SYT16: variants seen among roughly 807,000 people sequenced by gnomAD.
SYT16 encodes synaptotagmin 16, also known as synaptotagmin-16.
SYT16 carries 42 observed loss-of-function variants against 61.4 expected under a neutral mutation model. The ratio of observed to expected loss-of-function variants is 0.68; its 90% confidence interval spans 0.53 to 0.89. The LOEUF (loss-of-function observed/expected upper bound fraction) is 0.89, where lower values mean the gene tolerates loss of function less well. SYT16 is among the 40% of genes least tolerant of loss of function. The pLI is 0.00. For synonymous variants in SYT16, 314 were observed against 302.3 expected, an observed-to-expected ratio of 1.04 and a Z score of -0.40; for missense variants, 804 against 807.3, an observed-to-expected ratio of 1.00 and a Z score of 0.05.
intron 5 of SYT16, 118 bp from the exon 6 acceptor site, chr14:62,080,716 G>A: frequency 2.0e-6 from 2 of 985,636 alleles, no homozygotes; most frequent in East Asian, 2.6e-5. Context: ...GATATAGAGG[G>A]AATACACTGG....
intron 1 of SYT16, among the ~76,000 whole-genome samples, chr14:61,968,897 G>A (rs905374859): frequency 6.6e-6 from 1 of 152,140 alleles, no homozygotes; most frequent in African/African-American, 2.4e-5. Flanking sequence ...GGTTTTGATA[G>A]CAGGCACTGT....
intron 1 of SYT16, among the ~76,000 whole-genome samples, chr14:61,859,799 C>T (rs908204539): frequency 6.6e-6 from 1 of 151,992 alleles, no homozygotes; most frequent in African/African-American, 2.4e-5. Context: ...GGGCTCCAAG[C>T]GAACTATATT....
intron 1 of SYT16, among the ~76,000 whole-genome samples, chr14:61,836,269 G>A (rs2046126483): frequency 6.6e-6 from 1 of 152,132 alleles, no homozygotes; most frequent in Non-Finnish European, 1.5e-5. Context: ...GCCTGCACCT[G>A]CGTGTGTTTA....
At chr14:61,906,759 G>A (rs779334956) in intron 1 of SYT16, among the ~76,000 whole-genome samples, 10 of 101,290 alleles carry the variant, frequency 9.9e-5, no homozygotes, top group African/African-American at 1.8e-4. Flanking sequence ...CCTTCCGTCC[G>A]TCCGTCAATC....
chr14:62,085,235 CA>C (rs974689544), intron 7 of SYT16, among the ~76,000 whole-genome samples: 1 of 152,112 alleles, frequency 6.6e-6, no homozygotes, highest in African/African-American at 2.4e-5. Context: ...TGTTTTGCAG[CA>C]AAAAAGCTTG....
At chr14:61,912,186 G>C (rs2048959039) in intron 1 of SYT16, among the ~76,000 whole-genome samples, 1 of 152,128 alleles carries the variant, frequency 6.6e-6, no homozygotes, top group African/African-American at 2.4e-5. Context: ...GGGAGACTAA[G>C]AATTTATCAA....
intron 1 of SYT16, among the ~76,000 whole-genome samples, chr14:61,901,559 T>C (rs1015346899): frequency 1.3e-5 from 2 of 152,120 alleles, no homozygotes; most frequent in Admixed American, 6.5e-5. Flanking sequence ...ACTCATCAGA[T>C]GTCTGTCCTA....
At chr14:62,028,311 A>G (rs1032893472) in intron 3 of SYT16, among the ~76,000 whole-genome samples, 1 of 152,200 alleles carries the variant, frequency 6.6e-6, no homozygotes, top group African/African-American at 2.4e-5. Flanking sequence ...GCTTCCTGAA[A>G]GCCTGCTTAC....
Position 62,081,218 on chromosome 14 carries a change from C to G in SYT16, c.1378C>G (p.His460Asp). ...GAAACTATTCTATCTCAGCCACCTG[C>G]ACCCAGAAGGGGAAATGAAAGTGAC... ...GEKLFYLSHL[H>D]PEGEMKVTLV... is the part of the protein sequence containing the mutation. The change falls in exon 6 of 8, where the codon CAC becomes GAC. Residue 460 changes from histidine (H) to aspartate (D), a missense_variant. Coordinates refer to ENST00000683842, the MANE Select transcript of SYT16 (RefSeq NM_001367656.1). 1 of 1,613,938 alleles carries G rather than the reference C, an allele frequency of 6.2e-7. No homozygotes were observed. Among genetic ancestry groups the G allele is most frequent in the South Asian group, 1.1e-5 (1 of 91,062 alleles).
intron 1 of SYT16, among the ~76,000 whole-genome samples, chr14:61,927,848 C>T (rs951392840): frequency 5.9e-5 from 9 of 152,138 alleles, no homozygotes; most frequent in African/African-American, 1.9e-4. Flanking sequence ...AACCTAGTGT[C>T]AGAAGGGGAG....
At chr14:61,868,553 T>A (rs2047232121) in intron 1 of SYT16, among the ~76,000 whole-genome samples, 1 of 152,002 alleles carries the variant, frequency 6.6e-6, no homozygotes, top group Non-Finnish European at 1.5e-5. Flanking sequence ...CCTTTTGACT[T>A]CTTTTAATCA....
At chr14:62,098,748 A>G (rs11849992) in intron 7 of SYT16, among the ~76,000 whole-genome samples, 29,221 of 152,214 alleles carry the variant, frequency 0.19, 2,938 homozygotes, top group East Asian at 0.33. Context: ...GGAAAACTGC[A>G]TCTTTGCAGA....
In SYT16 at chr14:61,813,216, G is replaced by A. The variant is rs1203947486; in HGVS notation, c.-325+406G>A. On this transcript the variant is annotated intron_variant, in intron 1 of 7. Coordinates refer to ENST00000683842, the MANE Select transcript of SYT16 (RefSeq NM_001367656.1). ...GTCGGGTTTGTGCGTCTGCCTTTTG[G>A]GGATCAGGGTGGCTTGCATGGCTCG... 2.0e-5 allele frequency among the ~76,000 whole-genome samples: 3 copies of A among 152,364 alleles called. No homozygotes were observed. The South Asian group carries it at 6.2e-4, about 32-fold the overall frequency.
At chr14:62,077,392 G>A (rs201629650) in intron 5 of SYT16, among the ~76,000 whole-genome samples, 2 of 152,162 alleles carry the variant, frequency 1.3e-5, no homozygotes, top group Non-Finnish European at 2.9e-5. Flanking sequence ...ATGGATTTTC[G>A]AGCTCTGCTC....
At chr14:62,032,455 T>C (rs1202427668) in intron 3 of SYT16, among the ~76,000 whole-genome samples, 1 of 152,142 alleles carries the variant, frequency 6.6e-6, no homozygotes, top group Non-Finnish European at 1.5e-5. Flanking sequence ...GTGGCAATTT[T>C]GAATCTATTA....
intron 1 of SYT16, among the ~76,000 whole-genome samples, chr14:61,878,432 C>T (rs190130012): frequency 2.4e-4 from 36 of 152,284 alleles, no homozygotes; most frequent in African/African-American, 8.7e-4. Context: ...TGTGGGGCAG[C>T]TTTAATTTTC....
chr14:62,073,003 C>G (rs1159254292), intron 4 of SYT16, among the ~76,000 whole-genome samples: 1 of 152,074 alleles, frequency 6.6e-6, no homozygotes, highest in Non-Finnish European at 1.5e-5. Flanking sequence ...GTGTCATGAT[C>G]TTCTTTAATT....
At chr14:61,947,235 G>A (rs576852950) in intron 1 of SYT16, among the ~76,000 whole-genome samples, 12 of 147,700 alleles carry the variant, frequency 8.1e-5, no homozygotes, top group African/African-American at 2.3e-4. Context: ...GGGTATTTTC[G>A]GTGGATCTTT....
chr14:61,990,092 C>G (rs749579413), intron 2 of SYT16, among the ~76,000 whole-genome samples: 2 of 152,116 alleles, frequency 1.3e-5, no homozygotes, highest in Non-Finnish European at 2.9e-5. Flanking sequence ...GAAATTTGCT[C>G]TTAACGGAAA....
Sources: allele counts gnomAD v4.1 joint callset (sites outside exome capture counted in the v4.1 genomes callset), GRCh38; gene constraint gnomAD v4.1.1; transcripts MANE v1.5; gene names NCBI Gene and HGNC (gene_info 2026-07-23, HGNC 2026-07-21).